EYS: variants seen among roughly 807,000 people sequenced by gnomAD.
The protein encoded by EYS is EGF-like photoreceptor maintenance factor.
In EYS, 250 loss-of-function variants were observed where a neutral mutation model predicts 282.1. The observed-to-expected ratio is 0.89, with a 90% CI of 0.80 to 0.98. The LOEUF (loss-of-function observed/expected upper bound fraction) is 0.98. Ranked by LOEUF, EYS falls within the 50% of genes least tolerant of loss-of-function variation. EYS has a pLI of 0.00. For synonymous variants in EYS, 1,355 were observed against 1,282.9 expected (o/e 1.06, Z -1.20); for missense variants, 4,016 against 3,709.0 (o/e 1.08, Z -2.15).
intron 35 of EYS, among the ~76,000 whole-genome samples, chr6:63,883,216 A>G (rs1157417351): frequency 1.3e-5 from 2 of 152,124 alleles, no homozygotes; most frequent in African/African-American, 2.4e-5. Context: ...GCTGGATATG[A>G]TCTGGCCCCT....
intron 1 of EYS, among the ~76,000 whole-genome samples, chr6:65,704,388 G>A (rs145393703): frequency 0.015 from 2,353 of 152,280 alleles, 72 homozygotes; most frequent in African/African-American, 0.053. Flanking sequence ...AAACCACTGT[G>A]TCTGACTTCA....
intron 29 of EYS, among the ~76,000 whole-genome samples, chr6:64,371,324 G>GT (rs34032224): frequency 0.63 from 90,391 of 143,016 alleles, 28,866 homozygotes; most frequent in South Asian, 0.71. Context: ...TTTATGGTTG[G>GT]TTTTTTTTTT....
chr6:64,625,122 TC>T (rs1258946280), intron 23 of EYS, among the ~76,000 whole-genome samples: 1 of 152,062 alleles, frequency 6.6e-6, no homozygotes, highest in African/African-American at 2.4e-5. Context: ...GCATTGAACA[TC>T]CGTTTTGGGT....
intron 26 of EYS, among the ~76,000 whole-genome samples, chr6:64,451,251 A>C (rs1775325677): frequency 6.6e-6 from 1 of 152,230 alleles, no homozygotes; most frequent in African/African-American, 2.4e-5. Flanking sequence ...ATAAACTAGA[A>C]AATCTAGAAG....
chr6:65,185,295 G>A (rs1031912704), intron 12 of EYS, among the ~76,000 whole-genome samples: 6 of 151,718 alleles, frequency 4.0e-5, no homozygotes, highest in South Asian at 4.1e-4. Context: ...TTCAATACAA[G>A]TGTTGACCGA....
intron 14 of EYS, among the ~76,000 whole-genome samples, chr6:64,981,152 T>C (rs1770650710): frequency 6.6e-6 from 1 of 151,398 alleles, no homozygotes; most frequent in African/African-American, 2.4e-5. Flanking sequence ...ATCCAGGCAA[T>C]ATACTGGGTT....
chr6:64,352,231 C>T (rs756340456), intron 29 of EYS, among the ~76,000 whole-genome samples: 26 of 151,420 alleles, frequency 1.7e-4, no homozygotes, highest in Non-Finnish European at 3.7e-4. Flanking sequence ...TGTCCATGTG[C>T]TGCCTAACAT....
intron 12 of EYS, among the ~76,000 whole-genome samples, chr6:65,201,942 AT>A (rs1224324663): frequency 1.3e-5 from 2 of 151,938 alleles, no homozygotes; most frequent in Non-Finnish European, 2.9e-5. Context: ...GCGAGACCCC[AT>A]TTCTACATAA....
intron 22 of EYS, among the ~76,000 whole-genome samples, chr6:64,673,613 A>C (rs994983516): frequency 1.3e-5 from 2 of 152,072 alleles, no homozygotes; most frequent in Non-Finnish European, 2.9e-5. Flanking sequence ...TATCGAGACT[A>C]TTCATGATAA....
chr6:63,767,610 C>T (rs764106694), intron 40 of EYS, among the ~76,000 whole-genome samples: 73 of 152,166 alleles, frequency 4.8e-4, no homozygotes, highest in Non-Finnish European at 8.2e-4. Flanking sequence ...AGATTTCCTG[C>T]TCATGGAAAG....
chr6:65,133,427 T>C (rs983235957), intron 12 of EYS, among the ~76,000 whole-genome samples: 4 of 151,928 alleles, frequency 2.6e-5, no homozygotes, highest in African/African-American at 9.7e-5. Context: ...CAGAAACAGA[T>C]ACATAGTCCA....
chr6:65,166,147 G>A (rs1340162016), intron 12 of EYS, among the ~76,000 whole-genome samples: 1 of 151,048 alleles, frequency 6.6e-6, no homozygotes, highest in African/African-American at 2.4e-5. Context: ...CATTATTAAG[G>A]TGGCAAAAAT....
At chr6:64,570,025 G>A (rs990715315) in intron 26 of EYS, among the ~76,000 whole-genome samples, 1 of 152,208 alleles carries the variant, frequency 6.6e-6, no homozygotes, top group African/African-American at 2.4e-5. Flanking sequence ...GGAAAAAAAT[G>A]TTAAGATCAG....
At chr6:65,320,564 G>A (rs1008710600) in intron 11 of EYS, among the ~76,000 whole-genome samples, 9 of 152,196 alleles carry the variant, frequency 5.9e-5, no homozygotes, top group Admixed American at 2.6e-4. Flanking sequence ...CTCCTTGAAC[G>A]TATTCAAGTG....
At chr6:64,896,233 C>A (rs999013856) in intron 18 of EYS, among the ~76,000 whole-genome samples, 2 of 151,992 alleles carry the variant, frequency 1.3e-5, no homozygotes, top group African/African-American at 2.4e-5. Context: ...ACTGAGGTAC[C>A]CAGTTCATCT....
At position 63,720,535 on chromosome 6, in the gene EYS, GAAAT is replaced by G; in HGVS notation, c.*57_*60del. On this transcript the variant is annotated 3_prime_UTR_variant, in exon 43 of 43. Coordinates refer to ENST00000503581, the MANE Select transcript of EYS (RefSeq NM_001142800.2). ...GATTCCCCGTAAGCAATGTATCAAA[GAAAT>G]AACTATCAAAATAACTGCATTTATG... is the stretch of plus-strand genomic sequence containing the variant. 8.0e-7 allele frequency: 1 copy of G among 1,250,946 alleles called. No homozygotes were observed. The highest frequency in any genetic ancestry group is 1.1e-6 in the Non-Finnish European group (1 of 926,058). 77.5% of individuals were successfully genotyped at this position (1,250,946 alleles called of 1,614,324 possible). A position where few individuals can be genotyped will look rare whatever the true frequency, so the allele number is the denominator to read the frequency against.
At chr6:65,463,634 T>TCAAATATTGC (rs1380099255) in intron 5 of EYS, among the ~76,000 whole-genome samples, 2 of 152,206 alleles carry the variant, frequency 1.3e-5, no homozygotes, top group Non-Finnish European at 2.9e-5. Context: ...TAATTCATGA[T>TCAAATATTGC]CAAATATTGC....
At chr6:64,580,645 A>G (rs1766032216) in intron 26 of EYS, among the ~76,000 whole-genome samples, 1 of 152,188 alleles carries the variant, frequency 6.6e-6, no homozygotes, top group Admixed American at 6.6e-5. Context: ...ATAAAAAAGA[A>G]TAACTCTTGT....
At chr6:63,766,215 C>T (rs767206440) in intron 40 of EYS, among the ~76,000 whole-genome samples, 2 of 151,960 alleles carry the variant, frequency 1.3e-5, no homozygotes, top group African/African-American at 4.8e-5. Context: ...CCACAGAAAA[C>T]ACACAAATGG....
Sources: allele counts gnomAD v4.1 joint callset (sites outside exome capture counted in the v4.1 genomes callset), GRCh38; gene constraint gnomAD v4.1.1; transcripts MANE v1.5; gene names NCBI Gene and HGNC (gene_info 2026-07-23, HGNC 2026-07-21).